Variants in GPR39 observed in about 807,000 individuals in gnomAD.
GPR39 encodes zinc sensing receptor.
In GPR39, 23 loss-of-function variants were observed where a neutral mutation model predicts 18.4. The observed-to-expected ratio is 1.25, with a 90% CI of 0.90 to 1.77. GPR39 has a LOEUF of 1.77. Ranked by LOEUF, GPR39 falls within the 40% of genes most tolerant of loss-of-function variation. The probability of loss-of-function intolerance (pLI) is 0.00; values close to 1 mark genes in which losing one functional copy is unlikely to be tolerated. For synonymous variants in GPR39, 280 were observed against 257.9 expected, an observed-to-expected ratio of 1.09 and a Z score of -0.82; for missense variants, 647 against 602.4, an observed-to-expected ratio of 1.07 and a Z score of -0.78.
chr2:132,493,021 TATATATATACC>T (rs1206381094), intron 1 of GPR39, among the ~76,000 whole-genome samples: 3 of 130,510 alleles, frequency 2.3e-5, no homozygotes, highest in African/African-American at 1.0e-4. Flanking sequence ...CTATATATAC[TATATATATACC>T]ATATATATAC....
At chr2:132,453,086 C>T (rs1041954371) in intron 1 of GPR39, among the ~76,000 whole-genome samples, 1 of 152,176 alleles carries the variant, frequency 6.6e-6, no homozygotes, top group Non-Finnish European at 1.5e-5. Flanking sequence ...AAGTAATTTA[C>T]ACTCCCACCA....
intron 1 of GPR39, among the ~76,000 whole-genome samples, chr2:132,512,173 T>C (rs1679254062): frequency 6.6e-6 from 1 of 152,184 alleles, no homozygotes; most frequent in South Asian, 2.1e-4. Flanking sequence ...CTTGCCTCTA[T>C]GCTGGTGTAC....
intron 1 of GPR39, among the ~76,000 whole-genome samples, chr2:132,474,571 T>TTG (rs1221937059): frequency 7.2e-5 from 11 of 152,252 alleles, no homozygotes; most frequent in South Asian, 2.1e-4. Flanking sequence ...CGTGGAGTGT[T>TTG]TGTGTGTGTG....
At chr2:132,555,635 C>A (rs546130822) in intron 1 of GPR39, among the ~76,000 whole-genome samples, 1 of 152,180 alleles carries the variant, frequency 6.6e-6, no homozygotes, top group African/African-American at 2.4e-5. Context: ...TCGGAAGTCA[C>A]TCATTAGCAT....
intron 1 of GPR39, among the ~76,000 whole-genome samples, chr2:132,551,680 C>G (rs866798142): frequency 2.0e-5 from 3 of 152,130 alleles, no homozygotes; most frequent in Admixed American, 6.5e-5. Flanking sequence ...TAGAGCCCAA[C>G]CTGTGGAAAC....
chr2:132,493,523 TATATAC>T (rs1434066818), intron 1 of GPR39, among the ~76,000 whole-genome samples: 2 of 139,384 alleles, frequency 1.4e-5, no homozygotes, highest in East Asian at 2.0e-4. Flanking sequence ...TATATATATA[TATATAC>T]ACACACCATA....
intron 1 of GPR39, among the ~76,000 whole-genome samples, chr2:132,585,611 C>T (rs921736811): frequency 3.3e-5 from 5 of 152,182 alleles, no homozygotes; most frequent in Non-Finnish European, 7.3e-5. Flanking sequence ...CTCCCTGCTC[C>T]GGCCGCCCCC....
intron 1 of GPR39, among the ~76,000 whole-genome samples, chr2:132,522,614 C>T (rs1679445464): frequency 6.6e-6 from 1 of 152,184 alleles, no homozygotes. Flanking sequence ...TTTAGGGTTA[C>T]AAGCCCAATA....
intron 1 of GPR39, among the ~76,000 whole-genome samples, chr2:132,444,903 G>T (rs1294131197): frequency 6.6e-6 from 1 of 152,112 alleles, no homozygotes; most frequent in Non-Finnish European, 1.5e-5. Flanking sequence ...TTAAAGAAAA[G>T]AAATTTTTGA....
intron 1 of GPR39, among the ~76,000 whole-genome samples, chr2:132,584,011 C>A (rs900685669): frequency 1.3e-5 from 2 of 151,990 alleles, no homozygotes; most frequent in African/African-American, 4.8e-5. Flanking sequence ...ATAGACCACA[C>A]CTTTCTAGGG....
At chr2:132,532,386 A>T (rs1209180489) in intron 1 of GPR39, among the ~76,000 whole-genome samples, 2 of 152,208 alleles carry the variant, frequency 1.3e-5, no homozygotes, top group Non-Finnish European at 2.9e-5. Context: ...CCAGGACCAG[A>T]TGGATTCACA....
chr2:132,644,817 TTTTTTTAAAA>T, intron 1 of GPR39: 1 of 384,782 alleles, frequency 2.6e-6, no homozygotes, highest in Non-Finnish European at 4.6e-6. Flanking sequence ...AATGAAAACA[TTTTTTTAAAA>T]TTAACAGACA....
At chr2:132,477,314 A>G (rs1249018028) in intron 1 of GPR39, among the ~76,000 whole-genome samples, 1 of 152,172 alleles carries the variant, frequency 6.6e-6, no homozygotes, top group Non-Finnish European at 1.5e-5. Flanking sequence ...AGGGCTTCTC[A>G]GGTGGAGCAT....
At chr2:132,596,093 A>G (rs1159450978) in intron 1 of GPR39, among the ~76,000 whole-genome samples, 2 of 152,160 alleles carry the variant, frequency 1.3e-5, no homozygotes, top group African/African-American at 4.8e-5. Flanking sequence ...GCAGGGAAGA[A>G]CATCTTCAGG....
At chr2:132,427,131 C>CATGTATAT (rs1186608022) in intron 1 of GPR39, among the ~76,000 whole-genome samples, 4 of 80,778 alleles carry the variant, frequency 5.0e-5, no homozygotes, top group Non-Finnish European at 6.7e-5. Context: ...TATATAGGTA[C>CATGTATAT]ATATATATAT....
At chr2:132,528,663 T>C (rs2104773216) in intron 1 of GPR39, among the ~76,000 whole-genome samples, 1 of 152,332 alleles carries the variant, frequency 6.6e-6, no homozygotes, top group East Asian at 1.9e-4. Context: ...CCTTATAGGC[T>C]GTATTCCTAG....
At chr2:132,612,004 C>T (rs1034167427) in intron 1 of GPR39, among the ~76,000 whole-genome samples, 2 of 152,126 alleles carry the variant, frequency 1.3e-5, no homozygotes, top group Admixed American at 6.5e-5. Flanking sequence ...GTGAGTTCAG[C>T]GTGCATTTAT....
intron 1 of GPR39, among the ~76,000 whole-genome samples, chr2:132,483,563 C>G (rs920800700): frequency 6.6e-6 from 1 of 152,230 alleles, no homozygotes; most frequent in African/African-American, 2.4e-5. Flanking sequence ...TGGCTAATGT[C>G]AGTCTTTTGG....
In GPR39 at chr2:132,619,440, A is replaced by AACCTTGTGGCAGGCAGTGACAGT. The variant is rs1681396275; in HGVS notation, c.857-25660_857-25638dup. Among the ~76,000 whole-genome samples, 3 of 152,162 alleles carry AACCTTGTGGCAGGCAGTGACAGT rather than the reference A, an allele frequency of 2.0e-5. No individual in the cohort carries two copies. In the South Asian group the frequency reaches 6.2e-4, roughly 32 times the overall value. ...CCACCCCTTGAGCCTTCAGGGGCAGAACCTTGTGGCAGGCAGTGACAGTCC... is the reference window on the plus strand; with the variant it reads ...CCACCCCTTGAGCCTTCAGGGGCAGAACCTTGTGGCAGGCAGTGACAGTACCTTGTGGCAGGCAGTGACAGTCC... On this transcript the variant is annotated intron_variant, in intron 1 of 1. Coordinates refer to ENST00000329321, the MANE Select transcript of GPR39 (RefSeq NM_001508.3).
Sources: allele counts gnomAD v4.1 joint callset (sites outside exome capture counted in the v4.1 genomes callset), GRCh38; gene constraint gnomAD v4.1.1; transcripts MANE v1.5; gene names NCBI Gene and HGNC (gene_info 2026-07-23, HGNC 2026-07-21).